INPP5K: variants seen among roughly 807,000 people sequenced by gnomAD.
The protein encoded by INPP5K is inositol polyphosphate-5-phosphatase K, also known as inositol polyphosphate 5-phosphatase K.
In INPP5K, 35 loss-of-function variants were observed where a neutral mutation model predicts 53.5. That is an observed-to-expected ratio of 0.65 (90% CI 0.50 to 0.87). The LOEUF is 0.87. INPP5K is among the 40% of genes least tolerant of loss of function. The pLI is 0.00. For missense variants in INPP5K, 550 were observed against 586.2 expected (o/e 0.94, Z 0.64); for synonymous variants, 253 against 232.8 (o/e 1.09, Z -0.79).
rs2075354497 is a variant in INPP5K, at chr17:1,513,453, C to T, written c.261G>A (p.Lys87=). The change falls in exon 3 of 12, where the codon AAG becomes AAA. Residue 87 remains lysine (K), a splice_region_variant and synonymous_variant. Transcript: ENST00000421807. ...MDVLSPLSFI[K]VSHVRMQGIL... ...AAGTGCCAATGAACTGGCAAGTTAC[C>T]TTGATGAAGCTCAGAGGGGAAAGCA... 6.2e-7 allele frequency: 1 copy of T among 1,613,360 alleles called. No individual in the cohort carries two copies. The highest frequency in any genetic ancestry group is 8.5e-7 in the Non-Finnish European group (1 of 1,179,400).
intron 6 of INPP5K, among the ~76,000 whole-genome samples, 188 bp downstream of exon 6, chr17:1,507,927 G>T (rs1390625623): frequency 6.6e-6 from 1 of 152,032 alleles, no homozygotes; most frequent in African/African-American, 2.4e-5. Flanking sequence ...CTGTTACCCT[G>T]GCTTTTCCAT....
chr17:1,503,383 A>C (rs2075077649), intron 7 of INPP5K, among the ~76,000 whole-genome samples: 1 of 151,444 alleles, frequency 6.6e-6, no homozygotes, highest in Non-Finnish European at 1.5e-5. Context: ...ACGGGGTTTC[A>C]CCGTGTTCAC....
intron 6 of INPP5K, chr17:1,507,634 G>T (rs1379331688): frequency 6.4e-6 from 1 of 155,906 alleles, no homozygotes; most frequent in Admixed American, 6.3e-5. Context: ...TCTGCCTCCC[G>T]GGTTCAAGCG....
At chr17:1,500,837 A>G (rs1021042266) in intron 7 of INPP5K, among the ~76,000 whole-genome samples, 1 of 152,132 alleles carries the variant, frequency 6.6e-6, no homozygotes, top group Non-Finnish European at 1.5e-5. Flanking sequence ...ATAACCAGGT[A>G]CACTTACTAA....
chr17:1,503,272 C>T (rs1191061153), intron 7 of INPP5K, among the ~76,000 whole-genome samples: 6 of 151,748 alleles, frequency 4.0e-5, no homozygotes, highest in East Asian at 2.0e-4. Context: ...CAACCTCCGC[C>T]TCCTGGGTTC....
chr17:1,506,025 TTTA>T (rs954057049), intron 7 of INPP5K, among the ~76,000 whole-genome samples: 16 of 152,246 alleles, frequency 1.1e-4, no homozygotes, highest in African/African-American at 3.9e-4. Context: ...ATCTATTTAT[TTTA>T]TTATTATTTT....
intron 1 of INPP5K, chr17:1,515,523 A>G (rs1479187084): frequency 1.0e-6 from 1 of 985,534 alleles, no homozygotes; most frequent in Admixed American, 6.1e-5. Context: ...CCCTGCAGAG[A>G]CCAGGAACAG....
Position 1,495,409 on chromosome 17 carries a change from T to C in INPP5K, c.*414A>G, listed in dbSNP as rs2074803034. 4.9e-6 allele frequency: 1 copy of C among 204,060 alleles called. No individual in the cohort carries two copies. Among genetic ancestry groups the C allele is most frequent in the Admixed American group, 5.5e-5 (1 of 18,032 alleles). The allele number at this position is 204,060 out of a possible 1,614,324, so 12.6% of individuals were successfully genotyped here. A position where few individuals can be genotyped will look rare whatever the true frequency, so the allele number is the denominator to read the frequency against. On this transcript the variant is annotated 3_prime_UTR_variant, in exon 12 of 12. Coordinates refer to ENST00000421807, the MANE Select transcript of INPP5K (RefSeq NM_016532.4). ...TGCTTGCACCAGTCTATGTAGCCTG[T>C]ACAAATGTGAGCATCTCCCCTCCCA...
rs1194302499 is a variant in INPP5K at position 1,506,970 on chromosome 17, C to T, written c.776+10G>A. 1 of 1,599,566 alleles carries T rather than the reference C, an allele frequency of 6.3e-7. No individual in the cohort carries two copies. Among genetic ancestry groups the T allele is most frequent in the South Asian group, 1.1e-5 (1 of 90,706 alleles). On this transcript the variant is annotated intron_variant, in intron 7 of 11. Transcript: ENST00000421807. Reference sequence around the variant, plus strand: ...TTCCTAGACCTTCTGGCCCCCCACTCCCTCCTCACCTGGTGTCATAGTCGT... The same window carrying T: ...TTCCTAGACCTTCTGGCCCCCCACTTCCTCCTCACCTGGTGTCATAGTCGT...
intron 7 of INPP5K, among the ~76,000 whole-genome samples, chr17:1,504,842 T>C (rs1249641710): frequency 6.6e-6 from 1 of 152,228 alleles, no homozygotes; most frequent in Non-Finnish European, 1.5e-5. Flanking sequence ...TTCCTCTTGC[T>C]GGCAAGGATG....
At chr17:1,502,156 T>C (rs896562865) in intron 7 of INPP5K, among the ~76,000 whole-genome samples, 25 of 151,942 alleles carry the variant, frequency 1.6e-4, no homozygotes, top group East Asian at 5.8e-4. Flanking sequence ...GAGACCATCC[T>C]GGCTAACATG....
At chr17:1,497,701 T>C (rs2074892890) in intron 8 of INPP5K, 1 of 475,540 alleles carries the variant, frequency 2.1e-6, no homozygotes, top group Non-Finnish European at 3.8e-6. Context: ...CAAGGGAGAA[T>C]ACCCAAAGGA....
intron 7 of INPP5K, among the ~76,000 whole-genome samples, chr17:1,503,462 C>T (rs940401322): frequency 2.0e-5 from 3 of 152,102 alleles, no homozygotes; most frequent in Non-Finnish European, 2.9e-5. Context: ...GGATTTCAGG[C>T]GTGAGCCACC....
chr17:1,516,018 A>G (rs899745303), intron 1 of INPP5K: 1 of 1,008,234 alleles, frequency 9.9e-7, no homozygotes, highest in African/African-American at 1.7e-5. Flanking sequence ...AAGAGCAGGC[A>G]AGAGACCAGG....
At chr17:1,501,582 G>A (rs76105532) in intron 7 of INPP5K, among the ~76,000 whole-genome samples, 129 of 152,346 alleles carry the variant, frequency 8.5e-4, no homozygotes, top group African/African-American at 3.1e-3. Context: ...TGGTCTGCCT[G>A]TTGGCTCCTT....
chr17:1,495,698 A>C lies in INPP5K; in HGVS notation c.*125T>G. The C allele has an allele frequency of 1.5e-6, 1 of 664,452 alleles. No individual in the cohort carries two copies. Among genetic ancestry groups the C allele is most frequent in the Non-Finnish European group, 2.7e-6 (1 of 372,880 alleles). 41.2% of individuals were successfully genotyped at this position (664,452 alleles called of 1,614,324 possible). On this transcript the variant is annotated 3_prime_UTR_variant, in exon 12 of 12. Coordinates refer to ENST00000421807, the MANE Select transcript of INPP5K (RefSeq NM_016532.4). ...CCTGGTTAGAGCTCACTCTGGGAGG[A>C]GTATGTGGACGACACTTGGCTGTCT...
chr17:1,497,720 C>T (rs981693066), intron 8 of INPP5K: 6 of 510,726 alleles, frequency 1.2e-5, no homozygotes, highest in Non-Finnish European at 2.1e-5. Flanking sequence ...GAAATGGAAA[C>T]CTTTTCACAA....
chr17:1,503,067 G>A (rs2075066107), intron 7 of INPP5K, among the ~76,000 whole-genome samples: 1 of 151,278 alleles, frequency 6.6e-6, no homozygotes, highest in African/African-American at 2.4e-5. Context: ...GTATTTTTTT[G>A]TAGAGATGGG....
At chr17:1,501,656 C>T (rs2075014239) in intron 7 of INPP5K, among the ~76,000 whole-genome samples, 1 of 152,212 alleles carries the variant, frequency 6.6e-6, no homozygotes, top group Non-Finnish European at 1.5e-5. Flanking sequence ...GTGGTATTCC[C>T]ATCCCAGAGA....
Sources: gnomAD v4.1 joint callset for allele counts (sites outside exome capture counted in the v4.1 genomes callset) on GRCh38, gnomAD v4.1.1 for gene constraint, MANE v1.5 for transcripts, NCBI Gene and HGNC (gene_info 2026-07-23, HGNC 2026-07-21) for gene names.